NBEAL1: variants seen among roughly 807,000 people sequenced by gnomAD.
NBEAL1 encodes neurobeachin like 1.
In NBEAL1, 273 loss-of-function variants were observed where a neutral mutation model predicts 351.3. The observed-to-expected ratio is 0.78, with a 90% CI of 0.70 to 0.86. The LOEUF (loss-of-function observed/expected upper bound fraction) is 0.86, where lower values mean the gene tolerates loss of function less well. NBEAL1 is among the 40% of genes least tolerant of loss of function. The pLI is 0.00. For synonymous variants in NBEAL1, 1,050 were observed against 1,086.4 expected (o/e 0.97, Z 0.66); for missense variants, 2,961 against 3,201.3 (o/e 0.92, Z 1.81).
At chr2:203,132,289 T>TC (rs2063091847) in intron 26 of NBEAL1, among the ~76,000 whole-genome samples, 157 bp downstream of exon 26, 1 of 152,186 alleles carries the variant, frequency 6.6e-6, no homozygotes, top group African/African-American at 2.4e-5. Context: ...TGTTTTTGTC[T>TC]CCCCGGGGCG....
Position 203,107,523 on chromosome 2 carries a change from G to T in NBEAL1, c.1368+5G>T, listed in dbSNP as rs2062463992. 6.5e-7 allele frequency: 1 copy of T among 1,544,522 alleles called. No individual in the cohort carries two copies. Among genetic ancestry groups the T allele is most frequent in the Non-Finnish European group, 8.8e-7 (1 of 1,142,550 alleles). On this transcript the variant is annotated splice_donor_5th_base_variant and intron_variant, in intron 13 of 55. Coordinates refer to ENST00000683969, the MANE Select transcript of NBEAL1 (RefSeq NM_001378026.1). Reference sequence around the variant, plus strand: ...CTTAAAGAACTTATGAATATGGTGAGTTTATAACCTTTATTAAGAGAATTT... The same window carrying T: ...CTTAAAGAACTTATGAATATGGTGATTTTATAACCTTTATTAAGAGAATTT...
chr2:203,197,497 G>T (rs2065271647), intron 48 of NBEAL1, 106 bp downstream of exon 48: 1 of 708,344 alleles, frequency 1.4e-6, no homozygotes, highest in South Asian at 2.0e-5. Context: ...GGCTGTGCAT[G>T]GTGGTTCATG....
At chr2:203,151,381 G>C in intron 34 of NBEAL1, 84 bp from the exon 35 acceptor site, 1 of 988,852 alleles carries the variant, frequency 1.0e-6, no homozygotes, top group South Asian at 1.8e-5. Context: ...TAAAATACTT[G>C]ATACTTTTTT....
At chr2:203,128,121 G>C (rs2062985175) in intron 24 of NBEAL1, among the ~76,000 whole-genome samples, 184 bp downstream of exon 24, 2 of 150,602 alleles carry the variant, frequency 1.3e-5, no homozygotes, top group Admixed American at 1.3e-4. Flanking sequence ...GTCTCGCTCT[G>C]TCACCCAGGC....
At position 203,213,591 on chromosome 2, in the gene NBEAL1, C is replaced by T; in HGVS notation, c.8008C>T (p.His2670Tyr). Residue 2670 changes from histidine to tyrosine, a missense_variant, in exon 55 of 56, where the codon CAT (histidine) becomes TAT (tyrosine). His to Tyr is a moderately conservative substitution (Grantham distance 83). Coordinates refer to ENST00000683969, the MANE Select transcript of NBEAL1 (RefSeq NM_001378026.1). ...HCVCVTKEYS[H>Y]ILVGLEDGKL... Reference sequence around the variant, plus strand: ...TGTTTGTGTCACCAAAGAATACAGCCATATTCTTGTAGGTTTAGAAGATGG... The same window carrying T: ...TGTTTGTGTCACCAAAGAATACAGCTATATTCTTGTAGGTTTAGAAGATGG... 1 of 1,613,764 alleles carries T rather than the reference C, an allele frequency of 6.2e-7. No individual in the cohort carries two copies. Among genetic ancestry groups the T allele is most frequent in the Non-Finnish European group, 8.5e-7 (1 of 1,179,726 alleles).
chr2:203,146,692 C>A (rs566072537), intron 33 of NBEAL1, among the ~76,000 whole-genome samples: 2 of 151,994 alleles, frequency 1.3e-5, no homozygotes, highest in Non-Finnish European at 2.9e-5. Context: ...ACTGAGGAGG[C>A]TGATGTGGGA....
Position 203,217,928 on chromosome 2 carries a change from C to G in NBEAL1, c.*574C>G. ...AATTCTATTACTACTTAGCGTGTTT[C>G]TAATGAGAAGTTACTGAAATCTATT... is the stretch of plus-strand genomic sequence containing the variant. On this transcript the variant is annotated 3_prime_UTR_variant, in exon 56 of 56. Transcript: ENST00000683969. 2.1e-6 allele frequency: 2 copies of G among 967,332 alleles called. No individual in the cohort carries two copies. Among genetic ancestry groups the G allele is most frequent in the Non-Finnish European group, 2.5e-6 (2 of 813,574 alleles). The allele number at this position is 967,332 out of a possible 1,614,324, so 59.9% of individuals were successfully genotyped here. A position where few individuals can be genotyped will look rare whatever the true frequency, so the allele number is the denominator to read the frequency against.
At chr2:203,143,447 A>T (rs2063432440) in intron 31 of NBEAL1, among the ~76,000 whole-genome samples, 1 of 152,232 alleles carries the variant, frequency 6.6e-6, no homozygotes, top group South Asian at 2.1e-4. Flanking sequence ...TGACTTAGTT[A>T]AGAAGATTTT....
chr2:203,073,096 ATC>A lies in NBEAL1; in HGVS notation c.598+4623_598+4624del, dbSNP rs1204288720. Among the ~76,000 whole-genome samples, 10 of 152,272 alleles carry A rather than the reference ATC, an allele frequency of 6.6e-5. No homozygotes were observed. The East Asian group carries it at 1.7e-3, about 26-fold the overall frequency. ...TTGTTTTGTTTTTCATTGAGACAGA[ATC>A]TTGCTATATTGCTCAGGCTCATCTT... On this transcript the variant is annotated intron_variant, in intron 7 of 55. Transcript: ENST00000683969.
chr2:203,201,998 A>G (rs1399742779), intron 50 of NBEAL1, among the ~76,000 whole-genome samples: 2 of 152,184 alleles, frequency 1.3e-5, no homozygotes, highest in Non-Finnish European at 2.9e-5. Flanking sequence ...TTTTAAGACA[A>G]AATGGTAATA....
rs2065979945 is a variant in NBEAL1 at position 203,223,750 on chromosome 2, T to C, written c.*6396T>C. 6.6e-6 allele frequency among the ~76,000 whole-genome samples: 1 copy of C among 152,108 alleles called. No individual in the cohort carries two copies. The highest frequency in any genetic ancestry group is 1.5e-5 in the Non-Finnish European group (1 of 67,930). The stretch of plus-strand genomic sequence containing the variant: ...TAAAATGCTATTTTGGGTTGTCTTC[T>C]TTTGGTAACATATTCTGACACTAAG... On this transcript the variant is annotated 3_prime_UTR_variant, in exon 56 of 56. Coordinates refer to ENST00000683969, the MANE Select transcript of NBEAL1 (RefSeq NM_001378026.1).
intron 3 of NBEAL1, among the ~76,000 whole-genome samples, chr2:203,046,820 G>A (rs929627572): frequency 1.3e-5 from 2 of 152,142 alleles, no homozygotes; most frequent in Non-Finnish European, 2.9e-5. Context: ...TATGAAATTT[G>A]GGGGAATACC....
At chr2:203,113,357 G>A (rs1299659360) in intron 17 of NBEAL1, 39 bp downstream of exon 17, 2 of 1,161,654 alleles carry the variant, frequency 1.7e-6, no homozygotes, top group Non-Finnish European at 2.2e-6. Flanking sequence ...CAAATTTAGA[G>A]TTTTTTTTGT....
At chr2:203,149,444 T>C (rs1245620041) in intron 34 of NBEAL1, among the ~76,000 whole-genome samples, 1 of 152,106 alleles carries the variant, frequency 6.6e-6, no homozygotes, top group East Asian at 1.9e-4. Context: ...TACCACCTCT[T>C]TGAGCTAGGG....
chr2:203,160,415 C>T (rs960983741), intron 36 of NBEAL1, among the ~76,000 whole-genome samples: 2 of 152,040 alleles, frequency 1.3e-5, no homozygotes, highest in Non-Finnish European at 2.9e-5. Flanking sequence ...ATTTCTGTCT[C>T]TTTATTGATA....
intron 42 of NBEAL1, among the ~76,000 whole-genome samples, chr2:203,180,167 A>G (rs1229112942): frequency 1.3e-5 from 2 of 152,222 alleles, no homozygotes; most frequent in Non-Finnish European, 2.9e-5. Context: ...GCTACTGGTG[A>G]TTAAAATTAG....
chr2:203,153,920 T>A (rs2106361199), intron 35 of NBEAL1, among the ~76,000 whole-genome samples: 2 of 152,256 alleles, frequency 1.3e-5, no homozygotes, highest in Middle Eastern at 6.8e-3. Context: ...GTCTCAGTTG[T>A]TCTTTTTGTT....
At chr2:203,207,485 G>T (rs2105836027) in intron 51 of NBEAL1, among the ~76,000 whole-genome samples, 1 of 152,378 alleles carries the variant, frequency 6.6e-6, no homozygotes, top group Admixed American at 6.5e-5. Flanking sequence ...GAAAGGTGGG[G>T]AAAAGATTGA....
At chr2:203,039,077 CCTAG>C (rs2061086240) in intron 2 of NBEAL1, among the ~76,000 whole-genome samples, 1 of 147,976 alleles carries the variant, frequency 6.8e-6, no homozygotes, top group Non-Finnish European at 1.5e-5. Flanking sequence ...ATTTTTTTGT[CCTAG>C]CTAAGAAACC....
Sources: allele counts gnomAD v4.1 joint callset (sites outside exome capture counted in the v4.1 genomes callset), GRCh38; gene constraint gnomAD v4.1.1; transcripts MANE v1.5; gene names NCBI Gene and HGNC (gene_info 2026-07-23, HGNC 2026-07-21).